The following DIAPH3 variants were observed in gnomAD, a reference collection of about 807,000 sequenced individuals.
DIAPH3 encodes protein diaphanous homolog 3.
In DIAPH3, 117 loss-of-function variants were observed where a neutral mutation model predicts 144.3. The observed-to-expected ratio is 0.81, with a 90% CI of 0.70 to 0.95. The LOEUF (loss-of-function observed/expected upper bound fraction) is 0.95. Among genes scored for constraint, DIAPH3 ranks in the 40% least tolerant of loss-of-function variants. The pLI, the probability that DIAPH3 is intolerant of heterozygous loss-of-function variation, is 0.00. For missense variants in DIAPH3, 1,421 were observed against 1,412.7 expected, an observed-to-expected ratio of 1.01 and a Z score of -0.09; for synonymous variants, 519 against 488.9, an observed-to-expected ratio of 1.06 and a Z score of -0.81.
chr13:59,961,514 T>C (rs1274919070), intron 17 of DIAPH3, among the ~76,000 whole-genome samples: 1 of 152,184 alleles, frequency 6.6e-6, no homozygotes, highest in Non-Finnish European at 1.5e-5. Flanking sequence ...ATGGTTTTAA[T>C]AAAAAATGGC....
chr13:59,709,311 T>C (rs1230142450), intron 27 of DIAPH3, among the ~76,000 whole-genome samples: 3 of 152,052 alleles, frequency 2.0e-5, no homozygotes, highest in Admixed American at 2.0e-4. Flanking sequence ...ACAGGCAACC[T>C]ACAAAATGGG....
chr13:59,859,842 GA>G (rs2043476593), intron 22 of DIAPH3, among the ~76,000 whole-genome samples: 1 of 151,986 alleles, frequency 6.6e-6, no homozygotes, highest in African/African-American at 2.4e-5. Flanking sequence ...TTTAACACAA[GA>G]AAATAATTTC....
chr13:59,677,461 T>G (rs1301711082), intron 27 of DIAPH3, among the ~76,000 whole-genome samples: 4 of 152,206 alleles, frequency 2.6e-5, no homozygotes, highest in Non-Finnish European at 5.9e-5. Flanking sequence ...ATATTTTATT[T>G]AATCCAATGT....
intron 23 of DIAPH3, among the ~76,000 whole-genome samples, chr13:59,834,444 A>G (rs1593601914): frequency 3.1e-5 from 1 of 32,712 alleles, no homozygotes; most frequent in Non-Finnish European, 5.8e-5. Context: ...TGGAATTTTT[A>G]TATCTAAAAT....
chr13:60,060,554 T>G (rs890017484), intron 4 of DIAPH3, among the ~76,000 whole-genome samples: 2 of 152,132 alleles, frequency 1.3e-5, no homozygotes, highest in African/African-American at 4.8e-5. Flanking sequence ...ATCAAATGAA[T>G]AGATCAAAAT....
chr13:60,136,732 G>A (rs1208120265), intron 1 of DIAPH3, among the ~76,000 whole-genome samples: 1 of 151,832 alleles, frequency 6.6e-6, no homozygotes, highest in Non-Finnish European at 1.5e-5. Flanking sequence ...TCAGGAGATC[G>A]AGACCATCCT....
chr13:59,851,569 C>A (rs2042970925), intron 22 of DIAPH3, among the ~76,000 whole-genome samples: 1 of 151,560 alleles, frequency 6.6e-6, no homozygotes, highest in African/African-American at 2.4e-5. Context: ...GTTTTTACAG[C>A]TCTTTGGTGC....
At chr13:59,899,012 T>G (rs2140165345) in intron 20 of DIAPH3, among the ~76,000 whole-genome samples, 1 of 152,312 alleles carries the variant, frequency 6.6e-6, no homozygotes. Flanking sequence ...TCTCCTGGCC[T>G]CCATCTTTCT....
chr13:59,676,093 T>G (rs1772141494), intron 27 of DIAPH3, among the ~76,000 whole-genome samples: 1 of 152,244 alleles, frequency 6.6e-6, no homozygotes, highest in Non-Finnish European at 1.5e-5. Flanking sequence ...GAATAACTTA[T>G]GCTATTTCTG....
intron 3 of DIAPH3, among the ~76,000 whole-genome samples, chr13:60,105,498 C>T (rs1015661655): frequency 6.6e-6 from 1 of 152,168 alleles, no homozygotes; most frequent in African/African-American, 2.4e-5. Flanking sequence ...AACAACTAAA[C>T]ACTGACATTA....
intron 27 of DIAPH3, among the ~76,000 whole-genome samples, chr13:59,737,374 C>T (rs982003446): frequency 1.3e-5 from 2 of 152,146 alleles, no homozygotes; most frequent in South Asian, 4.1e-4. Flanking sequence ...TGCCTATATT[C>T]TTTGCATACT....
chr13:60,113,860 C>T (rs2058633593), intron 2 of DIAPH3, among the ~76,000 whole-genome samples: 1 of 152,122 alleles, frequency 6.6e-6, no homozygotes, highest in Admixed American at 6.5e-5. Flanking sequence ...ACATGAAGCC[C>T]CAGCCATTTG....
chr13:59,741,251 T>A (rs1010198889), intron 27 of DIAPH3, among the ~76,000 whole-genome samples: 4 of 152,164 alleles, frequency 2.6e-5, no homozygotes, highest in African/African-American at 9.7e-5. Flanking sequence ...AGGCATACTT[T>A]GAAAAGTGTA....
chr13:59,730,770 T>C (rs971019501), intron 27 of DIAPH3, among the ~76,000 whole-genome samples: 9 of 152,178 alleles, frequency 5.9e-5, no homozygotes, highest in Admixed American at 5.9e-4. Flanking sequence ...TTGCCATCTA[T>C]AAAGCAGAGA....
intron 3 of DIAPH3, among the ~76,000 whole-genome samples, chr13:60,100,978 T>C (rs1355530786): frequency 6.6e-6 from 1 of 152,074 alleles, no homozygotes; most frequent in Non-Finnish European, 1.5e-5. Context: ...CACAAACTTC[T>C]CCAACTGTTT....
At chr13:59,834,394 A>G (rs1319252536) in intron 23 of DIAPH3, among the ~76,000 whole-genome samples, 1 of 151,716 alleles carries the variant, frequency 6.6e-6, no homozygotes, top group Non-Finnish European at 1.5e-5. Flanking sequence ...AAACAAATAA[A>G]AAACAGTATT....
chr13:59,715,489 T>A (rs541665241), intron 27 of DIAPH3, among the ~76,000 whole-genome samples: 3 of 152,294 alleles, frequency 2.0e-5, no homozygotes, highest in Admixed American at 6.5e-5. Context: ...ATTTCTTCCA[T>A]AACATCCTTG....
intron 24 of DIAPH3, among the ~76,000 whole-genome samples, chr13:59,812,803 C>G (rs2040556593): frequency 6.6e-6 from 1 of 152,152 alleles, no homozygotes; most frequent in Non-Finnish European, 1.5e-5. Context: ...GTTAGATTTT[C>G]TTTTAAGCGT....
intron 3 of DIAPH3, among the ~76,000 whole-genome samples, chr13:60,096,137 G>T (rs1288131669): frequency 2.0e-5 from 3 of 152,216 alleles, no homozygotes; most frequent in Non-Finnish European, 4.4e-5. Flanking sequence ...CTGGAAGAAA[G>T]TAATGAGATA....
Sources: gnomAD v4.1 joint callset for allele counts (sites outside exome capture counted in the v4.1 genomes callset) on GRCh38, gnomAD v4.1.1 for gene constraint, MANE v1.5 for transcripts, NCBI Gene and HGNC (gene_info 2026-07-23, HGNC 2026-07-21) for gene names.